The following EGFR variants were observed in gnomAD, a reference collection of about 807,000 sequenced individuals.
EGFR encodes avian erythroblastic leukemia viral (v-erb-b) oncogene homolog.
EGFR carries 58 observed loss-of-function variants against 143.0 expected under a neutral mutation model. That is an observed-to-expected ratio of 0.41 (90% CI 0.33 to 0.50). The LOEUF (loss-of-function observed/expected upper bound fraction) is 0.50. EGFR is among the 20% of genes least tolerant of loss of function. EGFR has a pLI of 0.39. For missense variants in EGFR, 1,307 were observed against 1,579.0 expected, an observed-to-expected ratio of 0.83 and a Z score of 2.92; for synonymous variants, 613 against 594.4, an observed-to-expected ratio of 1.03 and a Z score of -0.45.
intron 1 of EGFR, among the ~76,000 whole-genome samples, chr7:55,095,412 T>C (rs143822216): frequency 1.3e-5 from 2 of 152,288 alleles, no homozygotes; most frequent in East Asian, 3.9e-4. Flanking sequence ...CAGGCAGGCG[T>C]GCCACAGTCA....
intron 10 of EGFR, 77 bp from the exon 11 acceptor site, chr7:55,157,586 A>G: frequency 8.6e-7 from 1 of 1,167,354 alleles, no homozygotes. Flanking sequence ...AGAGTCCCTG[A>G]GAGTCTAGAG....
At chr7:55,198,497 G>T (rs1787714507) in intron 22 of EGFR, among the ~76,000 whole-genome samples, 1 of 152,168 alleles carries the variant, frequency 6.6e-6, no homozygotes, top group South Asian at 2.1e-4. Flanking sequence ...GTATTATCTT[G>T]TTGGGTCCTT....
chr7:55,100,276 G>T (rs1184304823), intron 1 of EGFR, among the ~76,000 whole-genome samples: 1 of 152,194 alleles, frequency 6.6e-6, no homozygotes, highest in Admixed American at 6.5e-5. Context: ...ATTATGTCAG[G>T]CACTTCACAA....
intron 1 of EGFR, among the ~76,000 whole-genome samples, chr7:55,036,099 G>A (rs1194035988): frequency 3.9e-5 from 6 of 151,984 alleles, no homozygotes; most frequent in African/African-American, 1.5e-4. Flanking sequence ...GGCCATGGAG[G>A]CATGAGGAGA....
intron 1 of EGFR, among the ~76,000 whole-genome samples, chr7:55,079,128 T>C (rs1182931255): frequency 6.6e-6 from 1 of 151,996 alleles, no homozygotes; most frequent in African/African-American, 2.4e-5. Context: ...GAGGCAGGCA[T>C]GGGCTGAGGC....
chr7:55,122,803 T>G (rs1337947980), intron 1 of EGFR, among the ~76,000 whole-genome samples: 1 of 152,240 alleles, frequency 6.6e-6, no homozygotes, highest in Non-Finnish European at 1.5e-5. Flanking sequence ...CAACTTCTTT[T>G]CCAGCATGTC....
chr7:55,173,815 G>T (rs758876198), intron 17 of EGFR, 106 bp from the exon 18 acceptor site: 60 of 1,585,248 alleles, frequency 3.8e-5, no homozygotes, highest in Non-Finnish European at 5.2e-5. Context: ...TGGCACCCAA[G>T]CCCATGCCGT....
At position 55,143,251 on chromosome 7, in the gene EGFR, G is replaced by C. The variant is rs527402208; in HGVS notation, c.241-54G>C. The C allele has an allele frequency of 8.0e-5, 129 of 1,607,838 alleles. No homozygotes were observed. In the East Asian group the frequency reaches 2.6e-3, roughly 33 times the overall value. ...GCTCCCTGGACCCATTTTAGACCTT[G>C]AGTTCTTGAGTTCCTCAAAAGAGAA... On this transcript the variant is annotated intron_variant, in intron 2 of 27. Transcript: ENST00000275493.
At chr7:55,198,121 T>C (rs1562803134) in intron 22 of EGFR, among the ~76,000 whole-genome samples, 3 of 152,214 alleles carry the variant, frequency 2.0e-5, no homozygotes, top group Non-Finnish European at 4.4e-5. Context: ...TATGAATCCA[T>C]CTAGTCTTAG....
intron 1 of EGFR, among the ~76,000 whole-genome samples, chr7:55,039,661 G>C (rs529297485): frequency 2.0e-5 from 3 of 152,272 alleles, no homozygotes; most frequent in African/African-American, 7.2e-5. Context: ...AAGGGAGTGA[G>C]AAGAGAAGGT....
intron 1 of EGFR, among the ~76,000 whole-genome samples, chr7:55,055,708 A>G (rs888619599): frequency 1.4e-5 from 1 of 72,876 alleles, no homozygotes; most frequent in Non-Finnish European, 2.6e-5. Context: ...TTGCACGCAC[A>G]CACACACACA....
At chr7:55,059,743 A>G (rs558886086) in intron 1 of EGFR, among the ~76,000 whole-genome samples, 245 of 152,362 alleles carry the variant, frequency 1.6e-3, no homozygotes, top group Non-Finnish European at 2.6e-3. Flanking sequence ...ATAATAGTCT[A>G]TAGTAGACTT....
At chr7:55,114,124 G>A (rs1792687192) in intron 1 of EGFR, among the ~76,000 whole-genome samples, 1 of 152,208 alleles carries the variant, frequency 6.6e-6, no homozygotes, top group Non-Finnish European at 1.5e-5. Context: ...AGAAAAGCAT[G>A]TTATAGTAAA....
intron 22 of EGFR, among the ~76,000 whole-genome samples, chr7:55,194,113 C>T (rs1787515413): frequency 6.6e-6 from 1 of 152,190 alleles, no homozygotes; most frequent in African/African-American, 2.4e-5. Flanking sequence ...ATTTTGTCCT[C>T]AAGCAGCCCG....
chr7:55,102,634 T>G (rs1047432382), intron 1 of EGFR, among the ~76,000 whole-genome samples: 1 of 152,242 alleles, frequency 6.6e-6, no homozygotes, highest in Non-Finnish European at 1.5e-5. Flanking sequence ...CCCCTGATGT[T>G]TGCGTCAAAA....
At chr7:55,175,276 CT>C (rs991063206) in intron 19 of EGFR, among the ~76,000 whole-genome samples, 1 of 152,166 alleles carries the variant, frequency 6.6e-6, no homozygotes, top group Non-Finnish European at 1.5e-5. Context: ...TTTGAAATGG[CT>C]TTTTTTAAAG....
chr7:55,111,075 T>C (rs1467276691), intron 1 of EGFR, among the ~76,000 whole-genome samples: 1 of 152,120 alleles, frequency 6.6e-6, no homozygotes, highest in Non-Finnish European at 1.5e-5. Context: ...AGAAATTGGA[T>C]TTGGAATCGC....
At chr7:55,169,476 T>TA in intron 15 of EGFR, among the ~76,000 whole-genome samples, 1 of 152,230 alleles carries the variant, frequency 6.6e-6, no homozygotes, top group East Asian at 1.9e-4. Context: ...TTTATCCTAA[T>TA]AAACCAAATA....
At chr7:55,187,224 T>C (rs1433567966) in intron 20 of EGFR, among the ~76,000 whole-genome samples, 3 of 152,050 alleles carry the variant, frequency 2.0e-5, no homozygotes, top group Non-Finnish European at 4.4e-5. Context: ...GCAAAAGGAA[T>C]GGAGAAGAGA....
Sources: allele counts gnomAD v4.1 joint callset (sites outside exome capture counted in the v4.1 genomes callset), GRCh38; gene constraint gnomAD v4.1.1; transcripts MANE v1.5; gene names NCBI Gene and HGNC (gene_info 2026-07-23, HGNC 2026-07-21).